The following NHEJ1 variants were observed in gnomAD, a reference collection of about 807,000 sequenced individuals.
NHEJ1 encodes the protein non-homologous end-joining factor 1.
NHEJ1 carries 22 observed loss-of-function variants against 39.4 expected under a neutral mutation model. The ratio of observed to expected loss-of-function variants is 0.56; its 90% CI spans 0.40 to 0.80. NHEJ1 has a LOEUF of 0.80. NHEJ1 is among the 30% of genes least tolerant of loss of function. The pLI is 0.00. For missense variants in NHEJ1, 329 were observed against 357.1 expected (o/e 0.92, Z 0.63); for synonymous variants, 154 against 135.6 (o/e 1.14, Z -0.94).
At chr2:219,118,739 C>T (rs565900516) in intron 5 of NHEJ1, among the ~76,000 whole-genome samples, 1 of 152,172 alleles carries the variant, frequency 6.6e-6, no homozygotes, top group African/African-American at 2.4e-5. Flanking sequence ...TAAACCCGCC[C>T]CAGGGAAGGG....
intron 5 of NHEJ1, among the ~76,000 whole-genome samples, chr2:219,142,692 C>T (rs10168553): frequency 0.5 from 76,307 of 152,080 alleles, 21,512 homozygotes; most frequent in Non-Finnish European, 0.64. Flanking sequence ...CATATAGTTC[C>T]TACTGCCGTG....
intron 5 of NHEJ1, 63 bp from the exon 6 acceptor site, chr2:219,078,269 C>A: frequency 1.5e-6 from 2 of 1,355,956 alleles, no homozygotes; most frequent in South Asian, 1.2e-5. Context: ...GATCTAATAC[C>A]CCACATGCAG....
At chr2:219,141,952 C>T (rs938790935) in intron 5 of NHEJ1, among the ~76,000 whole-genome samples, 7 of 152,066 alleles carry the variant, frequency 4.6e-5, no homozygotes, top group Non-Finnish European at 1.0e-4. Context: ...CTTCCCCAGG[C>T]GATATAAGCT....
chr2:219,076,390 G>C lies in NHEJ1; in HGVS notation c.891C>G (p.Leu297=). Residue 297 remains leucine (L), a synonymous_variant, in exon 8 of 8, where the codon CTC becomes CTG. Coordinates refer to ENST00000356853, the MANE Select transcript of NHEJ1 (RefSeq NM_024782.3). Reference sequence around the variant, plus strand: ...CTGAGGCCACAACAGATTAACTGAAGAGACCCCTTGGCTTCTTCCTCTTGA... The same window carrying C: ...CTGAGGCCACAACAGATTAACTGAACAGACCCCTTGGCTTCTTCCTCTTGA... ...SKVKRKKPRG[L]FS is the part of the protein sequence containing the mutation. The C allele has an allele frequency of 6.2e-7, 1 of 1,614,090 alleles. No individual in the cohort carries two copies. Among genetic ancestry groups the C allele is most frequent in the Non-Finnish European group, 8.5e-7 (1 of 1,180,024 alleles).
At chr2:219,082,608 A>C (rs1312804603) in intron 5 of NHEJ1, among the ~76,000 whole-genome samples, 1 of 152,242 alleles carries the variant, frequency 6.6e-6, no homozygotes, top group African/African-American at 2.4e-5. Context: ...ATGGACCCAC[A>C]GTCTGAGGAT....
chr2:219,137,358 C>A (rs1017890294), intron 5 of NHEJ1, among the ~76,000 whole-genome samples: 2 of 151,946 alleles, frequency 1.3e-5, no homozygotes, highest in Non-Finnish European at 2.9e-5. Flanking sequence ...AAGCATATGA[C>A]CAAGAGCCTA....
intron 5 of NHEJ1, among the ~76,000 whole-genome samples, chr2:219,116,467 C>A (rs1002968635): frequency 1.3e-5 from 2 of 152,040 alleles, no homozygotes; most frequent in African/African-American, 4.8e-5. Context: ...AGCAATCCTT[C>A]CACCTCAGCC....
chr2:219,155,985 C>T (rs1014697718), intron 3 of NHEJ1, among the ~76,000 whole-genome samples: 9 of 150,568 alleles, frequency 6.0e-5, no homozygotes, highest in Non-Finnish European at 1.2e-4. Context: ...TGCGGTGGCT[C>T]ACACCTGTAA....
chr2:219,083,961 C>T (rs951254241), intron 5 of NHEJ1, among the ~76,000 whole-genome samples: 2 of 150,258 alleles, frequency 1.3e-5, no homozygotes, highest in African/African-American at 2.4e-5. Context: ...TGGATAGTCT[C>T]ATAAGTCAAA....
chr2:219,076,998 A>G (rs1399875421), intron 7 of NHEJ1, among the ~76,000 whole-genome samples: 2 of 152,226 alleles, frequency 1.3e-5, no homozygotes, highest in Non-Finnish European at 2.9e-5. Context: ...CCATCACCGG[A>G]AGTGGGATAA....
intron 5 of NHEJ1, among the ~76,000 whole-genome samples, chr2:219,129,428 A>G (rs1440469609): frequency 6.6e-6 from 1 of 152,232 alleles, no homozygotes; most frequent in Non-Finnish European, 1.5e-5. Context: ...AAGAGCTCTG[A>G]GAAGTGGGAC....
chr2:219,152,470 A>G (rs972386371), intron 3 of NHEJ1, among the ~76,000 whole-genome samples: 3 of 152,058 alleles, frequency 2.0e-5, no homozygotes, highest in African/African-American at 7.2e-5. Flanking sequence ...AACAAAAAAG[A>G]TCAAGATGAA....
intron 5 of NHEJ1, among the ~76,000 whole-genome samples, chr2:219,092,207 T>C (rs894566654): frequency 3.9e-5 from 6 of 151,912 alleles, no homozygotes; most frequent in African/African-American, 7.3e-5. Flanking sequence ...GAAGGGAGGA[T>C]TGCTTGAGCC....
chr2:219,070,142 T>C lies in NHEJ1; in HGVS notation c.*6239A>G, dbSNP rs1227909965. Among the ~76,000 whole-genome samples the C allele has an allele frequency of 1.1e-4, 16 of 152,214 alleles. No homozygotes were observed. The highest frequency in any genetic ancestry group is 1.5e-5 in the Non-Finnish European group (1 of 68,030). On this transcript the variant is annotated 3_prime_UTR_variant, in exon 8 of 8. Transcript: ENST00000356853. ...AATAAGCCCACAATCTGCCACAGCC[T>C]CCGGAGTACCTGGGACTACAGGCGC... is the stretch of plus-strand genomic sequence containing the variant.
intron 3 of NHEJ1, among the ~76,000 whole-genome samples, chr2:219,155,751 T>C (rs1409247549): frequency 1.4e-5 from 2 of 146,788 alleles, no homozygotes; most frequent in Non-Finnish European, 3.0e-5. Context: ...TGAAACCCTG[T>C]CTCTACTAAA....
intron 3 of NHEJ1, among the ~76,000 whole-genome samples, chr2:219,150,479 T>C (rs561889308): frequency 2.4e-4 from 36 of 152,292 alleles, no homozygotes; most frequent in African/African-American, 7.7e-4. Flanking sequence ...TGGAAAAATT[T>C]ATCTGCTCTA....
chr2:219,098,365 T>C (rs1949226960), intron 5 of NHEJ1, among the ~76,000 whole-genome samples: 1 of 152,054 alleles, frequency 6.6e-6, no homozygotes, highest in South Asian at 2.1e-4. Context: ...AATATAACAA[T>C]CTTATAGAAA....
intron 5 of NHEJ1, among the ~76,000 whole-genome samples, chr2:219,084,530 A>C (rs1949095245): frequency 1.3e-5 from 2 of 152,206 alleles, no homozygotes; most frequent in African/African-American, 4.8e-5. Flanking sequence ...GGTCTCTAGC[A>C]ATGACTGAGG....
intron 5 of NHEJ1, among the ~76,000 whole-genome samples, chr2:219,134,420 G>C (rs144741982): frequency 7.9e-5 from 12 of 152,314 alleles, no homozygotes; most frequent in Non-Finnish European, 1.5e-4. Context: ...AGCACACACA[G>C]AGTATGGACT....
Sources: allele counts gnomAD v4.1 joint callset (sites outside exome capture counted in the v4.1 genomes callset), GRCh38; gene constraint gnomAD v4.1.1; transcripts MANE v1.5; gene names NCBI Gene and HGNC (gene_info 2026-07-23, HGNC 2026-07-21).